Variants in NUDT5 observed in about 807,000 individuals in gnomAD.
The protein encoded by NUDT5 is ADP-sugar pyrophosphatase.
A neutral mutation model predicts 34.1 loss-of-function variants in NUDT5; 21 were observed. The observed-to-expected ratio is 0.62, with a 90% CI of 0.44 to 0.89. NUDT5 has a LOEUF of 0.89. NUDT5 is among the 40% of genes least tolerant of loss of function. NUDT5 has a pLI of 0.00. For synonymous variants in NUDT5, 85 were observed against 97.6 expected, an observed-to-expected ratio of 0.87 and a Z score of 0.76; for missense variants, 249 against 274.8, an observed-to-expected ratio of 0.91 and a Z score of 0.66.
rs1167732592 is a variant in NUDT5 at position 12,165,873 on chromosome 10, T to C, written c.*1829A>G. 3.3e-5 allele frequency: 5 copies of C among 152,204 alleles called. No homozygotes were observed. The highest frequency in any genetic ancestry group is 5.9e-5 in the Non-Finnish European group (4 of 68,032). The allele number at this position is 152,204 out of a possible 1,614,324, so 9.4% of individuals were successfully genotyped here. A position where few individuals can be genotyped will look rare whatever the true frequency, so the allele number is the denominator to read the frequency against. On this transcript the variant is annotated 3_prime_UTR_variant, in exon 10 of 10. Coordinates refer to ENST00000491614, the MANE Select transcript of NUDT5 (RefSeq NM_014142.4). ...GCATCCGCCAAGGGCCTCAGACCAC[T>C]GTTACCATAAAAACATCCACCCAGT...
chr10:12,184,746 T>A, intron 3 of NUDT5, 143 bp downstream of exon 3: 1 of 664,550 alleles, frequency 1.5e-6, no homozygotes, highest in Non-Finnish European at 2.5e-6. Context: ...GATGCAAACA[T>A]CCTAACACTG....
At chr10:12,185,866 T>C (rs972933004) in intron 2 of NUDT5, among the ~76,000 whole-genome samples, 3 of 152,252 alleles carry the variant, frequency 2.0e-5, no homozygotes, top group African/African-American at 4.8e-5. Context: ...CGTAGGTTTT[T>C]ATTGTTCTTA....
chr10:12,183,633 A>G (rs577518982), intron 3 of NUDT5, among the ~76,000 whole-genome samples: 225 of 152,340 alleles, frequency 1.5e-3, no homozygotes, highest in South Asian at 6.8e-3. Context: ...AAATTTCACT[A>G]AGTAAAAAAT....
rs4750185 is a variant in NUDT5 at position 12,182,234 on chromosome 10, G to A, written c.131+2655C>T. Among the ~76,000 whole-genome samples, 47,550 of 152,030 alleles carry A rather than the reference G, an allele frequency of 0.31. 7,891 individuals carry two copies. The highest frequency in any genetic ancestry group is 0.42 in the East Asian group (2,156 of 5,172). ...TGTGTTGTATGCCTGTGTTCTGACT[G>A]CAGCCTGTCACACAGAGTCAGGTGT... On this transcript the variant is annotated intron_variant, in intron 3 of 9. Transcript: ENST00000491614. The surrounding 1 kb of genome is among the most constrained non-coding windows in gnomAD (Gnocchi z 4.3).
chr10:12,167,803 C>T lies in NUDT5; in HGVS notation c.559G>A (p.Ala187Thr). 1 of 1,613,982 alleles carries T rather than the reference C, an allele frequency of 6.2e-7. No homozygotes were observed. The highest frequency in any genetic ancestry group is 2.2e-5 in the East Asian group (1 of 44,888). Residue 187 changes from alanine (A) to threonine (T), a missense_variant, in exon 10 of 10, where the codon GCT becomes ACT. Physicochemically the swap from Ala to Thr is moderately conservative, Grantham distance 58 (BLOSUM62 0). Transcript: ENST00000491614. Reference protein sequence around the residue: ...DLLQRLDALVAEEHLTVDARV... With the variant: ...DLLQRLDALVTEEHLTVDARV... ...GCGTCCACTGTGAGATGTTCTTCAG[C>T]TACCAGAGCTGTGGAAAGCAAAGAA...
At chr10:12,188,625 G>T (rs1835167160) in intron 1 of NUDT5, among the ~76,000 whole-genome samples, 3 of 150,720 alleles carry the variant, frequency 2.0e-5, no homozygotes, top group Non-Finnish European at 4.4e-5. Context: ...CAACTACAGG[G>T]AAGGCTGAGG....
Position 12,170,164 on chromosome 10 carries a change from A to G in NUDT5, c.550+553T>C, listed in dbSNP as rs754353604. The G allele has an allele frequency of 1.2e-6, 2 of 1,612,700 alleles. No individual in the cohort carries two copies. Among genetic ancestry groups the G allele is most frequent in the South Asian group, 2.2e-5 (2 of 91,078 alleles). ...TTACTGTTTACAAAGTCTCTAAAAG[A>G]TGGGTGGCCAAGAATTATACAATGC... is the stretch of plus-strand genomic sequence containing the variant. On this transcript the variant is annotated intron_variant, in intron 9 of 9. Coordinates refer to ENST00000491614, the MANE Select transcript of NUDT5 (RefSeq NM_014142.4). This position sits in a 1 kb window ranked among gnomAD's most constrained non-coding sequence, Gnocchi z 4.9.
Position 12,177,916 on chromosome 10 carries a change from G to A in NUDT5, c.182-16C>T. On this transcript the variant is annotated splice_polypyrimidine_tract_variant and intron_variant, in intron 4 of 9. Transcript: ENST00000491614. Reference sequence around the variant, plus strand: ...ACCGCGACACCTGTCACCAGGAAATGGAACCAAGGAAATCCCTAATGAGAG... The same window carrying A: ...ACCGCGACACCTGTCACCAGGAAATAGAACCAAGGAAATCCCTAATGAGAG... 6.3e-7 allele frequency: 1 copy of A among 1,596,548 alleles called. No individual in the cohort carries two copies. The highest frequency in any genetic ancestry group is 8.6e-7 in the Non-Finnish European group (1 of 1,164,348).
intron 3 of NUDT5, among the ~76,000 whole-genome samples, chr10:12,184,036 ACTTT>A (rs1835084473): frequency 6.6e-6 from 1 of 152,086 alleles, no homozygotes; most frequent in Non-Finnish European, 1.5e-5. Context: ...TTTACTTAAT[ACTTT>A]CTTTTTGTTG....
intron 4 of NUDT5, among the ~76,000 whole-genome samples, chr10:12,178,851 T>C (rs1037149162): frequency 6.6e-6 from 1 of 152,222 alleles, no homozygotes; most frequent in Non-Finnish European, 1.5e-5. Flanking sequence ...TACATTTAGT[T>C]ATAAACATTA....
intron 1 of NUDT5, among the ~76,000 whole-genome samples, chr10:12,195,315 A>T (rs1835315900): frequency 6.6e-6 from 1 of 152,216 alleles, no homozygotes; most frequent in African/African-American, 2.4e-5. Context: ...TCGCAGGAAT[A>T]CTGATAAAAA....
In NUDT5 at chr10:12,168,931, T is replaced by G. The variant is rs3740021; in HGVS notation, c.551-1120A>C. Among the ~76,000 whole-genome samples, 19,978 of 151,870 alleles carry G rather than the reference T, an allele frequency of 0.13. 1,456 individuals carry two copies. The highest frequency in any genetic ancestry group is 0.19 in the East Asian group (1,006 of 5,166). ...GCATGTACCACCATGCCTGGCTAATTTTTGTATTTTTAGTAGAGATGGGGT... is the reference window on the plus strand; with the variant it reads ...GCATGTACCACCATGCCTGGCTAATGTTTGTATTTTTAGTAGAGATGGGGT... On this transcript the variant is annotated intron_variant, in intron 9 of 9. Coordinates refer to ENST00000491614, the MANE Select transcript of NUDT5 (RefSeq NM_014142.4). The surrounding 1 kb of genome is among the most constrained non-coding windows in gnomAD (Gnocchi z 4.8).
chr10:12,170,526 C>T lies in NUDT5; in HGVS notation c.550+191G>A. 2 of 659,796 alleles carry T rather than the reference C, an allele frequency of 3.0e-6. No individual in the cohort carries two copies. The highest frequency in any genetic ancestry group is 2.0e-5 in the South Asian group (1 of 51,118). 40.9% of individuals were successfully genotyped at this position (659,796 alleles called of 1,614,324 possible). ...TGCACTTGACCCAGAATGCTTTGCT[C>T]TTATTTTCAAACTCTGTGCCACCCA... On this transcript the variant is annotated intron_variant, in intron 9 of 9. Coordinates refer to ENST00000491614, the MANE Select transcript of NUDT5 (RefSeq NM_014142.4). The surrounding 1 kb of genome is among the most constrained non-coding windows in gnomAD (Gnocchi z 4.9).
chr10:12,185,017 G>T, intron 2 of NUDT5, 61 bp from the exon 3 acceptor site: 1 of 874,668 alleles, frequency 1.1e-6, no homozygotes, highest in East Asian at 2.5e-5. Context: ...TTATCTAAAA[G>T]GGTTTTTCTT....
At position 12,170,305 on chromosome 10, in the gene NUDT5, C is replaced by A; in HGVS notation, c.550+412G>T. On this transcript the variant is annotated intron_variant, in intron 9 of 9. Transcript: ENST00000491614. This position sits in a 1 kb window ranked among gnomAD's most constrained non-coding sequence, Gnocchi z 4.9. ...CAAGTATTTGTTGAAGGAGCATCAT[C>A]AATTTCTCCTTGAACATACAGCCTC... 4 of 1,055,404 alleles carry A rather than the reference C, an allele frequency of 3.8e-6. No homozygotes were observed. Among genetic ancestry groups the A allele is most frequent in the African/African-American group, 1.6e-5 (1 of 64,508 alleles). The allele number at this position is 1,055,404 out of a possible 1,614,324, so 65.4% of individuals were successfully genotyped here. A position where few individuals can be genotyped will look rare whatever the true frequency, so the allele number is the denominator to read the frequency against.
Position 12,186,906 on chromosome 10 carries a change from C to T in NUDT5, c.-41-574G>A, listed in dbSNP as rs188232345. Among the ~76,000 whole-genome samples the T allele has an allele frequency of 8.1e-3, 1,237 of 152,210 alleles. 6 individuals are homozygous for T. The highest frequency in any genetic ancestry group is 0.024 in the Middle Eastern group (7 of 294). ...CCTCCCAAAGTGCTGGGATTACAGGCGTGAGCTACCGCGCCCAGCCTGATT... is the reference window on the plus strand; with the variant it reads ...CCTCCCAAAGTGCTGGGATTACAGGTGTGAGCTACCGCGCCCAGCCTGATT... On this transcript the variant is annotated intron_variant, in intron 1 of 9. Transcript: ENST00000491614.
In NUDT5 at chr10:12,181,065, G is replaced by A. The variant is rs146368691; in HGVS notation, c.132-1933C>T. 4.6e-5 allele frequency among the ~76,000 whole-genome samples: 7 copies of A among 152,220 alleles called. No individual in the cohort carries two copies. The highest frequency in any genetic ancestry group is 1.9e-4 in the East Asian group (1 of 5,182). ...CTCTTAGACTCGGCCCTTCATATCC[G>A]TGGGTTCTGCATTCATGGATTCAAC... On this transcript the variant is annotated intron_variant, in intron 3 of 9. Coordinates refer to ENST00000491614, the MANE Select transcript of NUDT5 (RefSeq NM_014142.4). The surrounding 1 kb of genome is among the most constrained non-coding windows in gnomAD (Gnocchi z 5.0).
chr10:12,176,493 A>G (rs111847795), intron 5 of NUDT5, among the ~76,000 whole-genome samples: 1 of 151,610 alleles, frequency 6.6e-6, no homozygotes, highest in African/African-American at 2.4e-5. Flanking sequence ...AATCCCAGCT[A>G]CTCAGGAAGC....
At chr10:12,195,727 CAA>C (rs1393835462) in intron 1 of NUDT5, 41 bp downstream of exon 1, 1 of 159,934 alleles carries the variant, frequency 6.3e-6, no homozygotes, top group Non-Finnish European at 1.4e-5. Context: ...TTCTCCTCCC[CAA>C]AGAGGTTTTG....
Sources: allele counts gnomAD v4.1 joint callset (sites outside exome capture counted in the v4.1 genomes callset), GRCh38; gene constraint gnomAD v4.1.1; non-coding constraint Gnocchi (gnomAD v3.1); transcripts MANE v1.5; gene names NCBI Gene and HGNC (gene_info 2026-07-23, HGNC 2026-07-21).